Variants in SRPK2 observed in about 807,000 individuals in gnomAD.
SRPK2 encodes SFRS protein kinase 2.
In SRPK2, 21 loss-of-function variants were observed where a neutral mutation model predicts 90.8. The ratio of observed to expected loss-of-function variants is 0.23; its 90% confidence interval spans 0.16 to 0.33. The LOEUF (loss-of-function observed/expected upper bound fraction) is 0.33, where lower values mean the gene tolerates loss of function less well. SRPK2 is among the 10% of genes least tolerant of loss of function. SRPK2 has a pLI of 1.00. For missense variants in SRPK2, 620 were observed against 869.0 expected, an observed-to-expected ratio of 0.71 and a Z score of 3.60; for synonymous variants, 288 against 311.1, an observed-to-expected ratio of 0.93 and a Z score of 0.78.
chr7:105,125,347 G>T (rs1331677710), intron 15 of SRPK2, among the ~76,000 whole-genome samples: 2 of 152,068 alleles, frequency 1.3e-5, no homozygotes, highest in Non-Finnish European at 2.9e-5. Context: ...AGAATGTGAG[G>T]TACGCAGCAT....
intron 2 of SRPK2, among the ~76,000 whole-genome samples, chr7:105,291,739 G>T (rs1461792210): frequency 1.3e-5 from 2 of 151,784 alleles, no homozygotes; most frequent in African/African-American, 4.8e-5. Context: ...CAGGGGGAGG[G>T]GGTCTCAAAT....
intron 2 of SRPK2, among the ~76,000 whole-genome samples, chr7:105,356,745 C>T (rs995583807): frequency 1.1e-4 from 16 of 152,190 alleles, no homozygotes; most frequent in African/African-American, 3.9e-4. Context: ...ATTAAATACC[C>T]AAAAGAAGGA....
intron 2 of SRPK2, among the ~76,000 whole-genome samples, chr7:105,309,127 T>C (rs1811441749): frequency 6.6e-6 from 1 of 152,138 alleles, no homozygotes; most frequent in African/African-American, 2.4e-5. Context: ...ACTATTTACT[T>C]AATGCTCTTA....
chr7:105,200,539 G>T (rs1795423656), intron 3 of SRPK2, among the ~76,000 whole-genome samples: 1 of 151,976 alleles, frequency 6.6e-6, no homozygotes, highest in South Asian at 2.1e-4. Flanking sequence ...ATTTGAATGG[G>T]TTATATATGT....
intron 3 of SRPK2, among the ~76,000 whole-genome samples, chr7:105,202,176 A>C (rs1795647560): frequency 1.3e-5 from 2 of 152,226 alleles, no homozygotes; most frequent in Admixed American, 1.3e-4. Flanking sequence ...AGGTTAGAGT[A>C]GATTAGTTCC....
intron 2 of SRPK2, among the ~76,000 whole-genome samples, chr7:105,348,323 G>A (rs139043532): frequency 1.3e-5 from 2 of 151,780 alleles, no homozygotes; most frequent in African/African-American, 2.4e-5. Context: ...CACCCACCTC[G>A]ACTTCCCAAA....
intron 2 of SRPK2, among the ~76,000 whole-genome samples, chr7:105,317,202 G>T (rs889217345): frequency 3.9e-5 from 6 of 152,182 alleles, no homozygotes; most frequent in African/African-American, 1.4e-4. Context: ...TAAAAAGAAT[G>T]GTGGATTAAG....
rs147309921 is a variant in SRPK2 at position 105,280,365 on chromosome 7, G to A, written c.72-76580C>T. ...GGGAGGCAGAGGTTGCAGTGAGAGC[G>A]AAGACTGAGATCACACCACTGCATG... On this transcript the variant is annotated intron_variant, in intron 2 of 15. Transcript: ENST00000393651. 2.1e-4 allele frequency among the ~76,000 whole-genome samples: 32 copies of A among 150,814 alleles called. No individual in the cohort carries two copies. The East Asian group carries it at 2.7e-3, about 13-fold the overall frequency.
At chr7:105,336,358 T>G (rs1815091372) in intron 2 of SRPK2, among the ~76,000 whole-genome samples, 1 of 152,234 alleles carries the variant, frequency 6.6e-6, no homozygotes, top group Non-Finnish European at 1.5e-5. Context: ...TTCTTTAGTG[T>G]GTTGGGACTG....
At chr7:105,151,317 C>G (rs1805607469) in intron 7 of SRPK2, among the ~76,000 whole-genome samples, 2 of 152,152 alleles carry the variant, frequency 1.3e-5, no homozygotes, top group Non-Finnish European at 2.9e-5. Context: ...TTGTGTTACC[C>G]CTGGGCAAGC....
At chr7:105,126,921 T>C in intron 14 of SRPK2, 72 bp downstream of exon 14, 1 of 1,440,518 alleles carries the variant, frequency 6.9e-7, no homozygotes, top group South Asian at 1.2e-5. Flanking sequence ...AGTACAAAAA[T>C]ACAGTACTCT....
intron 13 of SRPK2, among the ~76,000 whole-genome samples, chr7:105,127,725 A>ACCATTTGTTCC (rs11270344): frequency 0.81 from 122,857 of 151,882 alleles, 50,296 homozygotes; most frequent in Non-Finnish European, 0.86. Flanking sequence ...TGTAGGGAAC[A>ACCATTTGTTCC]CATTTCCCTT....
In SRPK2 at chr7:105,142,354, C is replaced by T; in HGVS notation, c.1197G>A (p.Glu399=). 1 of 1,614,140 alleles carries T rather than the reference C, an allele frequency of 6.2e-7. No homozygotes were observed. The highest frequency in any genetic ancestry group is 8.5e-7 in the Non-Finnish European group (1 of 1,179,996). ...GCTGCTCCAGTGAGAATGGGCCATT[C>T]TCAATATGGCCATTGGTTTTAGGTG... ...IESPKTNGHI[E]NGPFSLEQQL... is the part of the protein sequence containing the mutation. The change falls in exon 11 of 16, where the codon GAG becomes GAA. Residue 399 remains glutamate (E), a synonymous_variant. Transcript: ENST00000393651.
intron 2 of SRPK2, among the ~76,000 whole-genome samples, chr7:105,222,890 A>C (rs528893627): frequency 3.9e-5 from 6 of 152,346 alleles, no homozygotes; most frequent in Admixed American, 1.3e-4. Context: ...TGATGAAAAA[A>C]AAACAGCTAA....
intron 2 of SRPK2, among the ~76,000 whole-genome samples, chr7:105,302,478 C>G (rs13238191): frequency 0.61 from 92,496 of 152,034 alleles, 29,144 homozygotes; most frequent in South Asian, 0.76. Flanking sequence ...AACAGTTACT[C>G]CATAGTGCAA....
At chr7:105,191,141 T>G (rs977335349) in intron 3 of SRPK2, among the ~76,000 whole-genome samples, 2 of 152,202 alleles carry the variant, frequency 1.3e-5, no homozygotes, top group Admixed American at 1.3e-4. Context: ...GAATGCATGC[T>G]ATAAATTACT....
chr7:105,162,875 G>A (rs1273528675), intron 6 of SRPK2, among the ~76,000 whole-genome samples: 4 of 152,164 alleles, frequency 2.6e-5, no homozygotes, highest in Non-Finnish European at 4.4e-5. Context: ...ATTTACCCAC[G>A]GATTAAGTAG....
chr7:105,185,850 G>C (rs1793508731), intron 3 of SRPK2, among the ~76,000 whole-genome samples: 1 of 152,126 alleles, frequency 6.6e-6, no homozygotes, highest in Non-Finnish European at 1.5e-5. Flanking sequence ...TAGCAATTTA[G>C]ACATACTTAG....
chr7:105,191,218 G>C (rs993074048), intron 3 of SRPK2, among the ~76,000 whole-genome samples: 2 of 152,104 alleles, frequency 1.3e-5, no homozygotes, highest in African/African-American at 4.8e-5. Flanking sequence ...GATATCCAAT[G>C]CAAAAAAGAA....
Sources: allele counts gnomAD v4.1 joint callset (sites outside exome capture counted in the v4.1 genomes callset), GRCh38; gene constraint gnomAD v4.1.1; transcripts MANE v1.5; gene names NCBI Gene and HGNC (gene_info 2026-07-23, HGNC 2026-07-21).